The following FANCC variants were observed in gnomAD, a reference collection of about 807,000 sequenced individuals.
FANCC encodes the protein Fanconi anemia group C protein.
FANCC carries 55 observed loss-of-function variants against 71.3 expected under a neutral mutation model. The observed-to-expected ratio is 0.77, with a 90% confidence interval of 0.62 to 0.97. FANCC has a LOEUF of 0.97. FANCC is among the 50% of genes least tolerant of loss of function. FANCC has a pLI of 0.00. For missense variants in FANCC, 678 were observed against 670.9 expected (o/e 1.01, Z -0.12); for synonymous variants, 275 against 244.9 (o/e 1.12, Z -1.15).
intron 9 of FANCC, among the ~76,000 whole-genome samples, chr9:95,125,840 C>T (rs978015620): frequency 6.6e-6 from 1 of 152,178 alleles, no homozygotes; most frequent in Non-Finnish European, 1.5e-5. Flanking sequence ...ATGGGCTCCC[C>T]TGGAAGAGGG....
chr9:95,224,171 C>T (rs1829462099), intron 4 of FANCC, among the ~76,000 whole-genome samples: 1 of 152,120 alleles, frequency 6.6e-6, no homozygotes, highest in African/African-American at 2.4e-5. Context: ...AACACATAAA[C>T]ATTTAAACTT....
intron 1 of FANCC, among the ~76,000 whole-genome samples, chr9:95,257,459 A>G (rs1490588091): frequency 6.6e-6 from 1 of 152,228 alleles, no homozygotes; most frequent in East Asian, 1.9e-4. Flanking sequence ...TGAAGGCAGA[A>G]ATAAAGAAGT....
intron 1 of FANCC, among the ~76,000 whole-genome samples, chr9:95,314,302 A>C (rs552346024): frequency 2.0e-5 from 3 of 152,350 alleles, no homozygotes; most frequent in African/African-American, 7.2e-5. Context: ...AAATTTTAAA[A>C]ATAATTCGGC....
At chr9:95,298,761 G>A (rs183506321) in intron 1 of FANCC, among the ~76,000 whole-genome samples, 6 of 152,270 alleles carry the variant, frequency 3.9e-5, no homozygotes, top group Non-Finnish European at 8.8e-5. Flanking sequence ...ATAAATAAAA[G>A]CAGTCAAAAC....
At chr9:95,174,835 C>T (rs1442752967) in intron 4 of FANCC, among the ~76,000 whole-genome samples, 2 of 151,736 alleles carry the variant, frequency 1.3e-5, no homozygotes, top group African/African-American at 4.8e-5. Flanking sequence ...TCCATAGACC[C>T]GGGACGACAA....
intron 4 of FANCC, among the ~76,000 whole-genome samples, chr9:95,218,737 A>C (rs1421292153): frequency 6.6e-6 from 1 of 152,232 alleles, no homozygotes; most frequent in Non-Finnish European, 1.5e-5. Flanking sequence ...GATGCAGAAA[A>C]AACATTTAAA....
In FANCC at chr9:95,125,231, G is replaced by A. The variant is rs781257849; in HGVS notation, c.897-46C>T. ...TCAGAACACGTTTAACAAGTAATCC[G>A]GCAAACATGAAAACCTGCACTGTAT... On this transcript the variant is annotated intron_variant, in intron 9 of 14. Coordinates refer to ENST00000289081, the MANE Select transcript of FANCC (RefSeq NM_000136.3). 33 of 1,511,582 alleles carry A rather than the reference G, an allele frequency of 2.2e-5. 1 individual carries two copies. In the South Asian group the frequency reaches 3.7e-4, roughly 17 times the overall value. The allele number at this position is 1,511,582 out of a possible 1,614,324, so 93.6% of individuals were successfully genotyped here.
chr9:95,270,305 C>A (rs561658723), intron 1 of FANCC, among the ~76,000 whole-genome samples: 2 of 152,160 alleles, frequency 1.3e-5, no homozygotes, highest in Non-Finnish European at 2.9e-5. Context: ...CCCGTCGCAG[C>A]GAGAGCACTT....
At chr9:95,113,190 C>T (rs535853953) in intron 12 of FANCC, among the ~76,000 whole-genome samples, 2 of 152,306 alleles carry the variant, frequency 1.3e-5, no homozygotes, top group Admixed American at 1.3e-4. Flanking sequence ...TTTGTCTGGT[C>T]TCTGTCGGTA....
intron 13 of FANCC, 28 bp from the exon 14 acceptor site, chr9:95,107,297 G>A (rs2071522278): frequency 1.2e-6 from 2 of 1,607,490 alleles, no homozygotes; most frequent in Non-Finnish European, 1.7e-6. Context: ...ACAGGGGAGA[G>A]GTTAGGAAGA....
intron 1 of FANCC, among the ~76,000 whole-genome samples, chr9:95,288,819 G>C (rs1342870779): frequency 6.6e-6 from 1 of 151,460 alleles, no homozygotes; most frequent in African/African-American, 2.4e-5. Context: ...TTCAGACCAG[G>C]CTTGGTAGTG....
Position 95,317,628 on chromosome 9 carries a change from G to T in FANCC, c.-181C>A, listed in dbSNP as rs1410374918. The T allele has an allele frequency of 2.6e-5, 4 of 152,300 alleles. No homozygotes were observed. The highest frequency in any genetic ancestry group is 5.9e-5 in the Non-Finnish European group (4 of 68,102). 9.4% of individuals were successfully genotyped at this position (152,300 alleles called of 1,614,324 possible). On this transcript the variant is annotated 5_prime_UTR_variant, in exon 1 of 15. Transcript: ENST00000289081. Reference sequence around the variant, plus strand: ...GAAAATTTGGCTTTGCCTCGTATTGGCTTTTTGAGTTTTTTTGGAATTTTC... The same window carrying T: ...GAAAATTTGGCTTTGCCTCGTATTGTCTTTTTGAGTTTTTTTGGAATTTTC...
At chr9:95,248,888 T>G (rs1382871010) in intron 2 of FANCC, among the ~76,000 whole-genome samples, 1 of 152,102 alleles carries the variant, frequency 6.6e-6, no homozygotes, top group Non-Finnish European at 1.5e-5. Flanking sequence ...CTTGATTATT[T>G]AAGAACAACT....
chr9:95,211,504 T>C (rs1828496518), intron 4 of FANCC, among the ~76,000 whole-genome samples: 1 of 152,182 alleles, frequency 6.6e-6, no homozygotes, highest in Non-Finnish European at 1.5e-5. Flanking sequence ...CAGATAAAAT[T>C]AGCCCTGGAG....
At position 95,099,995 on chromosome 9, in the gene FANCC, A is replaced by G; in HGVS notation, c.*1712T>C. ...CCTCCACAACAGGAGGCCTGGTCCC[A>G]GTGGCCCCTCTCTCTAGGGGTTCCC... is the stretch of plus-strand genomic sequence containing the variant. On this transcript the variant is annotated 3_prime_UTR_variant, in exon 15 of 15. Coordinates refer to ENST00000289081, the MANE Select transcript of FANCC (RefSeq NM_000136.3). 4.3e-6 allele frequency: 1 copy of G among 232,300 alleles called. No homozygotes were observed. Among genetic ancestry groups the G allele is most frequent in the Non-Finnish European group, 8.5e-6 (1 of 117,430 alleles). The allele number at this position is 232,300 out of a possible 1,614,324, so 14.4% of individuals were successfully genotyped here. A position where few individuals can be genotyped will look rare whatever the true frequency, so the allele number is the denominator to read the frequency against.
chr9:95,203,451 T>C (rs1295350642), intron 4 of FANCC, among the ~76,000 whole-genome samples: 1 of 151,322 alleles, frequency 6.6e-6, no homozygotes, highest in Non-Finnish European at 1.5e-5. Context: ...GCAGGCTAAT[T>C]TCACTACATT....
intron 5 of FANCC, among the ~76,000 whole-genome samples, chr9:95,171,679 GA>G: frequency 6.6e-6 from 1 of 152,256 alleles, no homozygotes; most frequent in East Asian, 1.9e-4. Context: ...TGCTTTAACA[GA>G]AAATTCCAAT....
intron 1 of FANCC, among the ~76,000 whole-genome samples, chr9:95,259,929 A>G (rs892745700): frequency 2.6e-5 from 4 of 152,274 alleles, no homozygotes; most frequent in African/African-American, 4.8e-5. Flanking sequence ...GCCAACAAAC[A>G]TATGAAAACA....
At chr9:95,224,643 TCTA>T (rs1829499705) in intron 4 of FANCC, among the ~76,000 whole-genome samples, 1 of 152,212 alleles carries the variant, frequency 6.6e-6, no homozygotes, top group Non-Finnish European at 1.5e-5. Flanking sequence ...CCCAGCTTGT[TCTA>T]CTTTCTGTTT....
Sources: gnomAD v4.1 joint callset for allele counts (sites outside exome capture counted in the v4.1 genomes callset) on GRCh38, gnomAD v4.1.1 for gene constraint, MANE v1.5 for transcripts, NCBI Gene and HGNC (gene_info 2026-07-23, HGNC 2026-07-21) for gene names.